The following CLIC4 variants were observed in gnomAD, a reference collection of about 807,000 sequenced individuals.
The protein encoded by CLIC4 is CLIC family member 4.
In CLIC4, 13 loss-of-function variants were observed where a neutral mutation model predicts 24.6. The ratio of observed to expected loss-of-function variants is 0.53; its 90% CI spans 0.34 to 0.84. The LOEUF is 0.84. Among genes scored for constraint, CLIC4 ranks in the 40% least tolerant of loss-of-function variants. The pLI, the probability that CLIC4 is intolerant of heterozygous loss-of-function variation, is 0.01. For missense variants in CLIC4, 227 were observed against 301.7 expected (o/e 0.75, Z 1.83); for synonymous variants, 104 against 111.3 (o/e 0.93, Z 0.41).
intron 2 of CLIC4, among the ~76,000 whole-genome samples, chr1:24,804,674 G>A (rs1054778191): frequency 6.6e-6 from 1 of 151,962 alleles, no homozygotes; most frequent in African/African-American, 2.4e-5. Context: ...TTTTTAAGAC[G>A]ATTTCAAAGA....
chr1:24,760,763 G>A (rs1425640671), intron 1 of CLIC4, among the ~76,000 whole-genome samples: 1 of 152,072 alleles, frequency 6.6e-6, no homozygotes, highest in East Asian at 1.9e-4. Flanking sequence ...TTCAGTTGAG[G>A]GAGGCAAACG....
intron 1 of CLIC4, among the ~76,000 whole-genome samples, chr1:24,774,254 G>C (rs988480841): frequency 3.9e-5 from 6 of 152,168 alleles, no homozygotes; most frequent in African/African-American, 1.4e-4. Flanking sequence ...GGGATTACAG[G>C]CGTGAGCCAC....
intron 1 of CLIC4, among the ~76,000 whole-genome samples, chr1:24,753,114 C>CT (rs1354004218): frequency 1.3e-5 from 2 of 152,008 alleles, no homozygotes; most frequent in South Asian, 2.1e-4. Flanking sequence ...TAATGTGAGG[C>CT]TTTTTTTCTG....
rs1320030727 is a variant in CLIC4 at position 24,841,750 on chromosome 1, C to T, written c.*813C>T. 1.3e-5 allele frequency: 2 copies of T among 152,548 alleles called. No individual in the cohort carries two copies. Among genetic ancestry groups the T allele is most frequent in the African/African-American group, 2.4e-5 (1 of 41,426 alleles). The allele number at this position is 152,548 out of a possible 1,614,324, so 9.4% of individuals were successfully genotyped here. A position where few individuals can be genotyped will look rare whatever the true frequency, so the allele number is the denominator to read the frequency against. On this transcript the variant is annotated 3_prime_UTR_variant, in exon 6 of 6. Coordinates refer to ENST00000374379, the MANE Select transcript of CLIC4 (RefSeq NM_013943.3). ...TTTGCCCTGTGCCATTCATTTGGAA[C>T]TTTATTGCATTCTTTATTTTAAAAA...
intron 1 of CLIC4, among the ~76,000 whole-genome samples, chr1:24,753,596 C>T (rs969694421): frequency 3.9e-5 from 6 of 152,148 alleles, no homozygotes; most frequent in Non-Finnish European, 8.8e-5. Flanking sequence ...TAGATTGATA[C>T]CTAAGAAGGA....
intron 3 of CLIC4, among the ~76,000 whole-genome samples, chr1:24,819,224 T>C (rs1034069767): frequency 1.6e-4 from 24 of 152,164 alleles, no homozygotes; most frequent in African/African-American, 5.8e-4. Context: ...CTTCTTTTTT[T>C]CTCTACCTTC....
chr1:24,764,392 G>A (rs1193592889), intron 1 of CLIC4, among the ~76,000 whole-genome samples: 7 of 151,386 alleles, frequency 4.6e-5, no homozygotes, highest in South Asian at 2.1e-4. Flanking sequence ...GAGCCACCAC[G>A]TCCGGCCAAG....
chr1:24,800,396 G>A (rs1403630918), intron 2 of CLIC4, among the ~76,000 whole-genome samples: 3 of 148,750 alleles, frequency 2.0e-5, no homozygotes, highest in Non-Finnish European at 4.5e-5. Context: ...GGGAGGTGGG[G>A]GGGTCAGCCC....
chr1:24,823,858 A>G (rs1639760271), intron 3 of CLIC4, among the ~76,000 whole-genome samples: 1 of 152,158 alleles, frequency 6.6e-6, no homozygotes, highest in South Asian at 2.1e-4. Flanking sequence ...CAGAAAGGAG[A>G]AAATGCCTGA....
intron 1 of CLIC4, among the ~76,000 whole-genome samples, chr1:24,752,652 A>G (rs921387747): frequency 1.3e-5 from 2 of 152,228 alleles, no homozygotes; most frequent in Non-Finnish European, 2.9e-5. Flanking sequence ...ACCGTATACC[A>G]TCCTATGTAA....
At chr1:24,840,376 G>A (rs187443590) in intron 5 of CLIC4, among the ~76,000 whole-genome samples, 28 of 152,308 alleles carry the variant, frequency 1.8e-4, no homozygotes, top group Admixed American at 8.5e-4. Context: ...AAGGCAAAAA[G>A]TATTGAGCAT....
chr1:24,824,547 C>T (rs1639768313), intron 3 of CLIC4, among the ~76,000 whole-genome samples: 1 of 151,882 alleles, frequency 6.6e-6, no homozygotes, highest in Non-Finnish European at 1.5e-5. Context: ...GGATTACAGG[C>T]ATGAGCCACT....
At chr1:24,779,979 C>T (rs142861782) in intron 1 of CLIC4, among the ~76,000 whole-genome samples, 58 of 152,280 alleles carry the variant, frequency 3.8e-4, no homozygotes, top group Non-Finnish European at 6.5e-4. Flanking sequence ...CCTTATCTTG[C>T]ACCCATCAAA....
At chr1:24,763,553 AAG>A (rs1491249332) in intron 1 of CLIC4, among the ~76,000 whole-genome samples, 1 of 151,606 alleles carries the variant, frequency 6.6e-6, no homozygotes, top group East Asian at 1.9e-4. Flanking sequence ...AAAAAAAAAA[AAG>A]AATTAAGTTC....
chr1:24,748,284 T>C (rs1246595199), intron 1 of CLIC4, among the ~76,000 whole-genome samples: 1 of 152,114 alleles, frequency 6.6e-6, no homozygotes, highest in African/African-American at 2.4e-5. Context: ...CTGAAAATCA[T>C]CCTTCCTACC....
At chr1:24,751,532 C>G (rs565920366) in intron 1 of CLIC4, among the ~76,000 whole-genome samples, 2 of 152,322 alleles carry the variant, frequency 1.3e-5, no homozygotes, top group South Asian at 4.1e-4. Context: ...GCCACCGTGC[C>G]AGTCTTTTAT....
At chr1:24,793,399 C>A (rs986359507) in intron 1 of CLIC4, among the ~76,000 whole-genome samples, 2 of 152,118 alleles carry the variant, frequency 1.3e-5, no homozygotes, top group African/African-American at 4.8e-5. Flanking sequence ...CTTCCCACAC[C>A]AGTGTTTCTT....
At chr1:24,768,015 A>G (rs1639023887) in intron 1 of CLIC4, among the ~76,000 whole-genome samples, 2 of 151,926 alleles carry the variant, frequency 1.3e-5, no homozygotes, top group South Asian at 2.1e-4. Flanking sequence ...TAATTTTTGT[A>G]TTTTTAGTAG....
intron 2 of CLIC4, among the ~76,000 whole-genome samples, chr1:24,799,744 A>T: frequency 9.5e-6 from 1 of 105,696 alleles, no homozygotes; most frequent in Non-Finnish European, 1.9e-5. Flanking sequence ...TCCGGGAGGG[A>T]GGTGGGGGGG....
Sources: gnomAD v4.1 joint callset for allele counts (sites outside exome capture counted in the v4.1 genomes callset) on GRCh38, gnomAD v4.1.1 for gene constraint, MANE v1.5 for transcripts, NCBI Gene and HGNC (gene_info 2026-07-23, HGNC 2026-07-21) for gene names.